Variants in CXXC5 observed in about 807,000 individuals in gnomAD.
The protein encoded by CXXC5 is CXXC finger protein 5.
CXXC5 carries 2 observed loss-of-function variants against 17.6 expected under a neutral mutation model. That is an observed-to-expected ratio of 0.11 (90% CI 0.05 to 0.36). CXXC5 has a LOEUF of 0.36. CXXC5 is among the 10% of genes least tolerant of loss of function. The pLI is 1.00. For synonymous variants in CXXC5, 171 were observed against 193.0 expected, an observed-to-expected ratio of 0.89 and a Z score of 0.94; for missense variants, 343 against 458.3, an observed-to-expected ratio of 0.75 and a Z score of 2.30.
Position 139,661,243 on chromosome 5 carries a change from C to T in CXXC5, c.-161+12398C>T, listed in dbSNP as rs543073947. Among the ~76,000 whole-genome samples the T allele has an allele frequency of 4.5e-4, 69 of 152,290 alleles. No homozygotes were observed. Among genetic ancestry groups the T allele is most frequent in the East Asian group, 5.8e-4 (3 of 5,170 alleles). ...GAGCAGGGTGAGCTGGGCGGGCGGG[C>T]GGCAGGATTAGCTCAGGAGACGTGA... On this transcript the variant is annotated intron_variant, in intron 1 of 2. Coordinates refer to ENST00000302517, the MANE Select transcript of CXXC5 (RefSeq NM_016463.9). The surrounding 1 kb of genome is among the most constrained non-coding windows in gnomAD (Gnocchi z 4.7).
chr5:139,659,898 C>T (rs995986084), intron 1 of CXXC5, among the ~76,000 whole-genome samples: 1 of 152,192 alleles, frequency 6.6e-6, no homozygotes, highest in Non-Finnish European at 1.5e-5. Flanking sequence ...GTCTGCAAAG[C>T]CCCCCGGGAA....
chr5:139,680,855 C>T lies in CXXC5; in HGVS notation c.332C>T (p.Ala111Val). 6.2e-7 allele frequency: 1 copy of T among 1,610,246 alleles called. No homozygotes were observed. Among genetic ancestry groups the T allele is most frequent in the Non-Finnish European group, 8.5e-7 (1 of 1,180,010 alleles). ...GACAAGGCCACTGCGGCTGCAGCCGCTGCCTCCCTGTTGGCCAATGGGCAT... is the reference window on the plus strand; with the variant it reads ...GACAAGGCCACTGCGGCTGCAGCCGTTGCCTCCCTGTTGGCCAATGGGCAT... ...SADKATAAAA[A>V]ASLLANGHDL... is the part of the protein sequence containing the mutation. The change falls in exon 2 of 3, where the codon GCT (alanine) becomes GTT (valine). Residue 111 changes from alanine to valine, a missense_variant. Physicochemically the swap from Ala to Val is moderately conservative, Grantham distance 64. This residue lies in a region of CXXC5 where 297 missense variants were observed against 363.4 expected (regional missense o/e 0.82). Transcript: ENST00000302517.
chr5:139,666,605 T>C (rs1756126233), intron 1 of CXXC5, among the ~76,000 whole-genome samples: 1 of 152,220 alleles, frequency 6.6e-6, no homozygotes, highest in African/African-American at 2.4e-5. Flanking sequence ...GCCAGGGAGA[T>C]GAACGTGGGC....
intron 1 of CXXC5, among the ~76,000 whole-genome samples, chr5:139,659,924 C>T (rs1183102400): frequency 6.6e-6 from 1 of 152,242 alleles, no homozygotes; most frequent in Non-Finnish European, 1.5e-5. Context: ...GGAGGAGGCG[C>T]AGCAGGCTCA....
In CXXC5 at chr5:139,681,003, G is replaced by T. The variant is rs1267810418; in HGVS notation, c.480G>T (p.Leu160=). 1 of 1,605,160 alleles carries T rather than the reference G, an allele frequency of 6.2e-7. No homozygotes were observed. Among genetic ancestry groups the T allele is most frequent in the Admixed American group, 1.7e-5 (1 of 60,034 alleles). ...RATELAAEGQ[L]TLQQFAQSTE... ...CGGAGCTGGCAGCCGAGGGACAGCT[G>T]ACGCTGCAGCAGTTTGCGCAGTCCA... The change falls in exon 2 of 3, where the codon CTG becomes CTT. Residue 160 remains leucine (L), a synonymous_variant. Transcript: ENST00000302517.
intron 1 of CXXC5, among the ~76,000 whole-genome samples, chr5:139,674,266 C>T (rs13183917): frequency 0.015 from 2,273 of 152,310 alleles, 23 homozygotes; most frequent in Middle Eastern, 0.027. Context: ...GGGACACCCT[C>T]CCTTCCACCC....
intron 1 of CXXC5, among the ~76,000 whole-genome samples, chr5:139,674,493 T>C (rs1030035736): frequency 6.6e-6 from 1 of 151,782 alleles, no homozygotes; most frequent in African/African-American, 2.4e-5. Flanking sequence ...GTGTTGGGGG[T>C]CCTGAAACGC....
At chr5:139,650,299 G>T (rs967375123) in intron 1 of CXXC5, among the ~76,000 whole-genome samples, 1 of 152,162 alleles carries the variant, frequency 6.6e-6, no homozygotes, top group East Asian at 1.9e-4. Flanking sequence ...CTTCGGATGG[G>T]GGGGGAGCTA....
rs1300852472 is a variant in CXXC5, at chr5:139,681,029, C to T, written c.506C>T (p.Thr169Ile). The T allele has an allele frequency of 6.2e-7, 1 of 1,608,724 alleles. No homozygotes were observed. ...ACGCTGCAGCAGTTTGCGCAGTCCA[C>T]AGAGATGCTGAAGCGCGTGGTGCAG... Reference protein sequence around the residue: ...QLTLQQFAQSTEMLKRVVQEH... With the variant: ...QLTLQQFAQSIEMLKRVVQEH... The change falls in exon 2 of 3, where the codon ACA (threonine) becomes ATA (isoleucine). Residue 169 changes from threonine (T) to isoleucine (I), a missense_variant. This residue lies in a region of CXXC5 where 297 missense variants were observed against 363.4 expected (regional missense o/e 0.82). Coordinates refer to ENST00000302517, the MANE Select transcript of CXXC5 (RefSeq NM_016463.9).
chr5:139,661,184 C>G lies in CXXC5; in HGVS notation c.-161+12339C>G, dbSNP rs554577825. 1.3e-5 allele frequency among the ~76,000 whole-genome samples: 2 copies of G among 152,216 alleles called. No individual in the cohort carries two copies. Reference sequence around the variant, plus strand: ...CCGCCGCGGCTGCCCGCGCCGCCCCCCCACCTCTTGCGCTGTCGGCCATCA... The same window carrying G: ...CCGCCGCGGCTGCCCGCGCCGCCCCGCCACCTCTTGCGCTGTCGGCCATCA... On this transcript the variant is annotated intron_variant, in intron 1 of 2. Coordinates refer to ENST00000302517, the MANE Select transcript of CXXC5 (RefSeq NM_016463.9). This position sits in a 1 kb window ranked among gnomAD's most constrained non-coding sequence, Gnocchi z 4.7.
chr5:139,652,127 C>T (rs902900281), intron 1 of CXXC5, among the ~76,000 whole-genome samples: 2 of 150,666 alleles, frequency 1.3e-5, no homozygotes, highest in South Asian at 4.2e-4. Context: ...CCCCCACCAC[C>T]TGGTCCCATC....
intron 1 of CXXC5, among the ~76,000 whole-genome samples, chr5:139,650,498 GCAAA>G (rs1308678765): frequency 3.3e-5 from 5 of 152,224 alleles, no homozygotes; most frequent in African/African-American, 9.6e-5. Context: ...AGGGCCGCCG[GCAAA>G]CAGAGTCCCT....
At chr5:139,660,799 T>A (rs1378445776) in intron 1 of CXXC5, among the ~76,000 whole-genome samples, 1 of 143,034 alleles carries the variant, frequency 7.0e-6, no homozygotes, top group African/African-American at 2.5e-5. Flanking sequence ...GCTGCTGGGG[T>A]TGGGGGGAGT....
chr5:139,674,888 T>C (rs1296733789), intron 1 of CXXC5, among the ~76,000 whole-genome samples: 1 of 152,198 alleles, frequency 6.6e-6, no homozygotes, highest in Non-Finnish European at 1.5e-5. Flanking sequence ...CCTGCACAAC[T>C]GGGACCCTGA....
intron 1 of CXXC5, among the ~76,000 whole-genome samples, chr5:139,674,925 T>A (rs650446): frequency 0.35 from 52,778 of 151,876 alleles, 9,617 homozygotes; most frequent in Middle Eastern, 0.42. Flanking sequence ...CCTCACATCT[T>A]CTTCCCCACC....
intron 1 of CXXC5, among the ~76,000 whole-genome samples, chr5:139,669,392 A>G (rs916317289): frequency 9.2e-5 from 14 of 151,864 alleles, no homozygotes; most frequent in Non-Finnish European, 1.8e-4. Flanking sequence ...CCCCGTGCCC[A>G]TCACTGAGTG....
Position 139,682,958 on chromosome 5 carries a change from G to T in CXXC5, c.*51G>T. ...CTCCGTGCAATGTCACTGCTCGTGT[G>T]GTCTCCAGCAAGGGATTCGGGCGAA... is the stretch of plus-strand genomic sequence containing the variant. On this transcript the variant is annotated 3_prime_UTR_variant, in exon 3 of 3. Transcript: ENST00000302517. 6.6e-7 allele frequency: 1 copy of T among 1,508,870 alleles called. No homozygotes were observed. The highest frequency in any genetic ancestry group is 1.3e-5 in the South Asian group (1 of 79,792). The allele number at this position is 1,508,870 out of a possible 1,614,324, so 93.5% of individuals were successfully genotyped here.
chr5:139,677,230 C>T (rs1403126847), intron 1 of CXXC5, among the ~76,000 whole-genome samples: 1 of 152,084 alleles, frequency 6.6e-6, no homozygotes, highest in Admixed American at 6.5e-5. Context: ...GCCCGCCTGC[C>T]CGCCAGCTTT....
At chr5:139,675,635 A>G (rs1756740246) in intron 1 of CXXC5, 1 of 152,162 alleles carries the variant, frequency 6.6e-6, no homozygotes, top group African/African-American at 2.4e-5. Context: ...GAACAGGGTG[A>G]CTAACACTTG....
Sources: allele counts gnomAD v4.1 joint callset (sites outside exome capture counted in the v4.1 genomes callset), GRCh38; gene constraint gnomAD v4.1.1; regional missense constraint gnomAD v4.1.1; non-coding constraint Gnocchi (gnomAD v3.1); transcripts MANE v1.5; gene names NCBI Gene and HGNC (gene_info 2026-07-23, HGNC 2026-07-21).